Variants in COL4A2 observed in about 807,000 individuals in gnomAD.
COL4A2 encodes the protein collagen alpha-2(IV) chain.
In COL4A2, 99 loss-of-function variants were observed where a neutral mutation model predicts 200.2. That is an observed-to-expected ratio of 0.49 (90% confidence interval 0.42 to 0.58). The LOEUF (loss-of-function observed/expected upper bound fraction) is 0.58. Among genes scored for constraint, COL4A2 ranks in the 20% least tolerant of loss-of-function variants. COL4A2 has a pLI of 0.00. For missense variants in COL4A2, 1,950 were observed against 2,314.1 expected (o/e 0.84, Z 3.23); for synonymous variants, 897 against 900.6 (o/e 1.00, Z 0.07).
At position 110,465,524 on chromosome 13, in the gene COL4A2, TG is replaced by T. The variant is rs760522092; in HGVS notation, c.1898del (p.Gly633ValfsTer27). 5.6e-6 allele frequency: 9 copies of T among 1,613,850 alleles called. No homozygotes were observed. On this transcript the variant is annotated frameshift_variant, in exon 25 of 48. Transcript: ENST00000360467. LOFTEE classifies it high-confidence loss of function. The stretch of plus-strand genomic sequence containing the variant: ...GCCTTCCCGGCCTCAAAGGCCAACG[TG>T]GTTTCCCTGGAGACGCCGGCTTACC... ...LGLPGLKGQR[G>X]FPGDAGLPGP...
At chr13:110,496,437 G>A (rs1883456560) in intron 40 of COL4A2, among the ~76,000 whole-genome samples, 1 of 152,252 alleles carries the variant, frequency 6.6e-6, no homozygotes, top group Admixed American at 6.5e-5. Context: ...ATAGGAGAAA[G>A]AGGAGGGGCT....
intron 16 of COL4A2, among the ~76,000 whole-genome samples, chr13:110,441,206 A>G (rs1268009390): frequency 1.3e-5 from 2 of 152,092 alleles, no homozygotes; most frequent in African/African-American, 4.8e-5. Context: ...GGCTGCACAG[A>G]GAGTAGTGTG....
Position 110,438,601 on chromosome 13 carries a change from C to A in COL4A2, c.862-17C>A. On this transcript the variant is annotated splice_polypyrimidine_tract_variant and intron_variant, in intron 14 of 47. Coordinates refer to ENST00000360467, the MANE Select transcript of COL4A2 (RefSeq NM_001846.4). ...CGCCCCTGGGTTGCTCCTTACGCCC[C>A]CTCTGCTCTCTCCTAGGGCATTTCC... 1.2e-6 allele frequency: 2 copies of A among 1,614,210 alleles called. No individual in the cohort carries two copies. The highest frequency in any genetic ancestry group is 1.7e-6 in the Non-Finnish European group (2 of 1,180,038).
intron 28 of COL4A2, among the ~76,000 whole-genome samples, chr13:110,472,579 C>T (rs1364165901): frequency 6.6e-6 from 1 of 152,090 alleles, no homozygotes; most frequent in Non-Finnish European, 1.5e-5. Context: ...CTCAGCACAA[C>T]CTAGAAGGTC....
intron 4 of COL4A2, among the ~76,000 whole-genome samples, chr13:110,386,962 G>C (rs76664152): frequency 1.3e-5 from 2 of 152,144 alleles, no homozygotes; most frequent in Non-Finnish European, 2.9e-5. Flanking sequence ...GACTGAGGCC[G>C]GGCACGGTGG....
In COL4A2 at chr13:110,307,839, C is replaced by G. The variant is rs1401590311; in HGVS notation, c.-44-21C>G. ...TGCCTCCCTCATCCTGCGCTAAACT[C>G]GCTTTGTCTGTCGCCTCTAGGCTAA... On this transcript the variant is annotated intron_variant, in intron 1 of 47. Transcript: ENST00000360467. The surrounding 1 kb of genome is among the most constrained non-coding windows in gnomAD (Gnocchi z 5.0). 10 of 1,551,652 alleles carry G rather than the reference C, an allele frequency of 6.4e-6. No homozygotes were observed. In the African/African-American group the frequency reaches 6.8e-5, roughly 11 times the overall value.
intron 25 of COL4A2, 72 bp from the exon 26 acceptor site, chr13:110,465,931 A>G: frequency 6.4e-7 from 1 of 1,558,448 alleles, no homozygotes; most frequent in East Asian, 2.3e-5. Flanking sequence ...ACACACGTGC[A>G]CGCCCCAGAC....
rs149951292 is a variant in COL4A2, at chr13:110,398,758, G to A, written c.181-25976G>A. Among the ~76,000 whole-genome samples the A allele has an allele frequency of 1.2e-3, 181 of 152,178 alleles. 1 individual carries two copies. Among genetic ancestry groups the A allele is most frequent in the Middle Eastern group, 6.8e-3 (2 of 294 alleles). On this transcript the variant is annotated intron_variant, in intron 4 of 47. Transcript: ENST00000360467. ...GGAAGAAAGAATCAAATAACAAAAA[G>A]CACAGTCAGCATTATAAGATATCAG...
intron 17 of COL4A2, 124 bp from the exon 18 acceptor site, chr13:110,446,674 G>C: frequency 1.3e-6 from 1 of 761,416 alleles, no homozygotes; most frequent in South Asian, 1.7e-5. Flanking sequence ...TGGTTCCACT[G>C]GTTGAAATAG....
intron 4 of COL4A2, among the ~76,000 whole-genome samples, chr13:110,373,712 A>T (rs1392276770): frequency 6.6e-6 from 1 of 152,252 alleles, no homozygotes; most frequent in Non-Finnish European, 1.5e-5. Context: ...AATCCAGGGC[A>T]TCCCTAAAAT....
chr13:110,410,843 GC>G (rs1039990206), intron 4 of COL4A2, among the ~76,000 whole-genome samples: 1 of 152,150 alleles, frequency 6.6e-6, no homozygotes, highest in Non-Finnish European at 1.5e-5. Context: ...AACTGGCAGA[GC>G]TGGGATTCAA....
chr13:110,328,839 C>G (rs1875767405), intron 3 of COL4A2, among the ~76,000 whole-genome samples: 1 of 152,232 alleles, frequency 6.6e-6, no homozygotes, highest in Non-Finnish European at 1.5e-5. Context: ...TCTTGATAAA[C>G]TCATGCTGTC....
At chr13:110,499,846 G>A (rs368098216) in intron 40 of COL4A2, among the ~76,000 whole-genome samples, 53 of 152,300 alleles carry the variant, frequency 3.5e-4, no homozygotes, top group Admixed American at 2.7e-3. Context: ...GCCAGTCTGC[G>A]GATTGCACTG....
rs193114905 is a variant in COL4A2, at chr13:110,453,037, A to G, written c.1339+2583A>G. Among the ~76,000 whole-genome samples the G allele has an allele frequency of 1.4e-4, 21 of 151,668 alleles. 1 individual carries two copies. The East Asian group carries it at 2.6e-3, about 18-fold the overall frequency. ...CACCTCGGCCTCCCAGAGTGCTGGG[A>G]TTACAGGTATGAATCACCACACCTG... is the stretch of plus-strand genomic sequence containing the variant. On this transcript the variant is annotated intron_variant, in intron 20 of 47. Coordinates refer to ENST00000360467, the MANE Select transcript of COL4A2 (RefSeq NM_001846.4).
At chr13:110,419,170 G>C (rs914040685) in intron 4 of COL4A2, among the ~76,000 whole-genome samples, 1 of 152,176 alleles carries the variant, frequency 6.6e-6, no homozygotes, top group Non-Finnish European at 1.5e-5. Flanking sequence ...GGATATGGGC[G>C]TCTGCTGGGC....
intron 13 of COL4A2, among the ~76,000 whole-genome samples, chr13:110,437,717 G>A (rs539650227): frequency 1.3e-4 from 20 of 152,272 alleles, no homozygotes; most frequent in South Asian, 4.1e-4. Context: ...TGCCTGGAAC[G>A]GTGTGGGGGA....
At chr13:110,461,895 G>A (rs1290617703) in intron 22 of COL4A2, 16 of 615,974 alleles carry the variant, frequency 2.6e-5, no homozygotes, top group East Asian at 1.7e-4. Flanking sequence ...CCCACCATCC[G>A]CAGTTCCAGT....
chr13:110,321,362 T>A (rs901676270), intron 3 of COL4A2, among the ~76,000 whole-genome samples: 8 of 152,226 alleles, frequency 5.3e-5, no homozygotes, highest in Non-Finnish European at 1.2e-4. Flanking sequence ...TGTACCCATG[T>A]TTAAATGACA....
chr13:110,473,248 C>A, intron 29 of COL4A2, 98 bp downstream of exon 29: 1 of 1,145,736 alleles, frequency 8.7e-7, no homozygotes, highest in Non-Finnish European at 1.2e-6. Context: ...TAGGAAGCAG[C>A]GGTGCCCTAT....
Sources: gnomAD v4.1 joint callset for allele counts (sites outside exome capture counted in the v4.1 genomes callset) on GRCh38, gnomAD v4.1.1 for gene constraint, Gnocchi (gnomAD v3.1) non-coding constraint, MANE v1.5 for transcripts, NCBI Gene and HGNC (gene_info 2026-07-23, HGNC 2026-07-21) for gene names.